ST6GALNAC5: variants seen among roughly 807,000 people sequenced by gnomAD.
The protein encoded by ST6GALNAC5 is ST6 N-acetylgalactosaminide alpha-2,6-sialyltransferase 5, also known as alpha-N-acetylgalactosaminide alpha-2,6-sialyltransferase 5.
ST6GALNAC5 carries 27 observed loss-of-function variants against 33.6 expected under a neutral mutation model. That is an observed-to-expected ratio of 0.80 (90% confidence interval 0.59 to 1.11). ST6GALNAC5 has a LOEUF of 1.11. ST6GALNAC5 is among the 50% of genes least tolerant of loss of function. The pLI is 0.00. For missense variants in ST6GALNAC5, 428 were observed against 454.0 expected (o/e 0.94, Z 0.52); for synonymous variants, 194 against 171.2 (o/e 1.13, Z -1.04).
chr1:77,044,725 C>T (rs1319292617), intron 3 of ST6GALNAC5, 112 bp downstream of exon 3: 5 of 1,308,388 alleles, frequency 3.8e-6, no homozygotes, highest in East Asian at 2.4e-5. Context: ...CTCCACTGCT[C>T]ATGTCATTGC....
intron 4 of ST6GALNAC5, among the ~76,000 whole-genome samples, chr1:77,053,383 G>A (rs185713915): frequency 6.6e-5 from 10 of 152,260 alleles, no homozygotes; most frequent in Non-Finnish European, 7.4e-5. Flanking sequence ...GTTTACTTCA[G>A]TGTTGTAGAC....
chr1:77,025,802 A>G (rs1328705313), intron 2 of ST6GALNAC5, among the ~76,000 whole-genome samples: 2 of 152,006 alleles, frequency 1.3e-5, no homozygotes, highest in Non-Finnish European at 2.9e-5. Flanking sequence ...CCCCTCCTCC[A>G]GGCAGTCTTC....
rs554217920 is a variant in ST6GALNAC5, at chr1:76,868,613, G to A, written c.132G>A (p.Gln44=). ...CCCCGCAGCAGCAGCAGCAGCAGCA[G>A]CAACAGCAGCAGCAGGCGTCGGCCA... The part of the protein sequence containing the change: ...ERPPQQQQQQ[Q]QQQQQASATG... The change falls in exon 2 of 5, where the codon CAG becomes CAA. Residue 44 remains glutamine (Q), a synonymous_variant. Coordinates refer to ENST00000477717, the MANE Select transcript of ST6GALNAC5 (RefSeq NM_030965.3). This position sits in a 1 kb window ranked among gnomAD's most constrained non-coding sequence, Gnocchi z 4.3. The A allele has an allele frequency of 2.8e-5, 45 of 1,607,604 alleles. No individual in the cohort carries two copies. The East Asian group carries it at 6.7e-4, about 24-fold the overall frequency.
At chr1:76,884,548 A>G (rs944195951) in intron 2 of ST6GALNAC5, among the ~76,000 whole-genome samples, 1 of 152,190 alleles carries the variant, frequency 6.6e-6, no homozygotes, top group African/African-American at 2.4e-5. Flanking sequence ...GCTTTATTCT[A>G]GAAGAGTCCC....
chr1:77,019,719 G>A (rs1469280184), intron 2 of ST6GALNAC5, among the ~76,000 whole-genome samples: 1 of 152,236 alleles, frequency 6.6e-6, no homozygotes, highest in Non-Finnish European at 1.5e-5. Flanking sequence ...TGCAATTGAA[G>A]TGTTTAGGCG....
At chr1:77,051,203 A>G (rs1652206899) in intron 4 of ST6GALNAC5, among the ~76,000 whole-genome samples, 1 of 152,252 alleles carries the variant, frequency 6.6e-6, no homozygotes, top group Non-Finnish European at 1.5e-5. Flanking sequence ...CAATGTCTCG[A>G]AGGCCATGAG....
At chr1:76,870,659 T>C (rs1396177019) in intron 2 of ST6GALNAC5, among the ~76,000 whole-genome samples, 1 of 152,190 alleles carries the variant, frequency 6.6e-6, no homozygotes, top group Non-Finnish European at 1.5e-5. Flanking sequence ...ATACCCTACA[T>C]GGGAAATTGA....
chr1:76,926,386 T>C (rs1647085873), intron 2 of ST6GALNAC5, among the ~76,000 whole-genome samples: 1 of 152,174 alleles, frequency 6.6e-6, no homozygotes, highest in African/African-American at 2.4e-5. Context: ...TCTTTATTCA[T>C]ACCTACACAC....
chr1:76,982,141 C>G (rs1157291839), intron 2 of ST6GALNAC5, among the ~76,000 whole-genome samples: 2 of 152,130 alleles, frequency 1.3e-5, no homozygotes, highest in Non-Finnish European at 2.9e-5. Flanking sequence ...AGCAATGGAA[C>G]AAAGCTGGAT....
chr1:77,061,577 TTTCTC>T (rs1301096510), intron 4 of ST6GALNAC5, among the ~76,000 whole-genome samples: 2 of 152,188 alleles, frequency 1.3e-5, no homozygotes, highest in Non-Finnish European at 1.5e-5. Context: ...GCCTGGGCCT[TTTCTC>T]TTCTTAGTCT....
chr1:76,912,371 T>G (rs555885652), intron 2 of ST6GALNAC5, among the ~76,000 whole-genome samples: 2 of 152,132 alleles, frequency 1.3e-5, no homozygotes, highest in African/African-American at 4.8e-5. Context: ...GGAATAGGTA[T>G]GGTGTGGTGC....
chr1:77,058,282 T>C (rs1277413979), intron 4 of ST6GALNAC5, among the ~76,000 whole-genome samples: 1 of 152,214 alleles, frequency 6.6e-6, no homozygotes, highest in African/African-American at 2.4e-5. Context: ...CTGCTATAGT[T>C]TGGATATGTT....
intron 2 of ST6GALNAC5, among the ~76,000 whole-genome samples, chr1:77,001,615 T>C (rs1357200110): frequency 6.6e-6 from 1 of 152,060 alleles, no homozygotes; most frequent in Admixed American, 6.6e-5. Context: ...TTCAGTATGA[T>C]ATTGGCTGTG....
At chr1:77,003,558 C>G (rs1255321183) in intron 2 of ST6GALNAC5, among the ~76,000 whole-genome samples, 1 of 151,322 alleles carries the variant, frequency 6.6e-6, no homozygotes, top group South Asian at 2.1e-4. Context: ...TTCTTTTGCT[C>G]ATTAGTTGAT....
chr1:77,054,095 G>C (rs1652313641), intron 4 of ST6GALNAC5, among the ~76,000 whole-genome samples: 1 of 152,192 alleles, frequency 6.6e-6, no homozygotes, highest in African/African-American at 2.4e-5. Context: ...CTCGTGTTGG[G>C]TACCAGGGAG....
intron 2 of ST6GALNAC5, among the ~76,000 whole-genome samples, chr1:76,948,207 A>C (rs1023021752): frequency 6.6e-5 from 10 of 152,088 alleles, no homozygotes; most frequent in African/African-American, 2.4e-4. Context: ...GAAACCCCCC[A>C]CCTTTGCATG....
At chr1:76,935,396 G>A (rs1040719584) in intron 2 of ST6GALNAC5, among the ~76,000 whole-genome samples, 1 of 151,992 alleles carries the variant, frequency 6.6e-6, no homozygotes, top group African/African-American at 2.4e-5. Flanking sequence ...CCATAAAACA[G>A]TGAGCTCTAT....
chr1:76,879,689 C>A (rs1035164928), intron 2 of ST6GALNAC5, among the ~76,000 whole-genome samples: 5 of 152,102 alleles, frequency 3.3e-5, no homozygotes, highest in African/African-American at 7.2e-5. Flanking sequence ...GGGTTTATGT[C>A]CTCAGACAGA....
Position 76,937,118 on chromosome 1 carries a change from A to G in ST6GALNAC5, c.261+68376A>G, listed in dbSNP as rs115220633. ...GAGAGTGGTATGGGTGATAGAATAT[A>G]GGTCTGTTAACAACATAGCAGCACT... On this transcript the variant is annotated intron_variant, in intron 2 of 4. Coordinates refer to ENST00000477717, the MANE Select transcript of ST6GALNAC5 (RefSeq NM_030965.3). Among the ~76,000 whole-genome samples, 764 of 152,104 alleles carry G rather than the reference A, an allele frequency of 5.0e-3. 8 individuals are homozygous for G. Among genetic ancestry groups the G allele is most frequent in the African/African-American group, 0.018 (739 of 41,544 alleles).
Sources: allele counts gnomAD v4.1 joint callset (sites outside exome capture counted in the v4.1 genomes callset), GRCh38; gene constraint gnomAD v4.1.1; non-coding constraint Gnocchi (gnomAD v3.1); transcripts MANE v1.5; gene names NCBI Gene and HGNC (gene_info 2026-07-23, HGNC 2026-07-21).